The following AKAP1 variants were observed in gnomAD, a reference collection of about 807,000 sequenced individuals.
AKAP1 encodes A-kinase anchor protein 1, mitochondrial.
In AKAP1, 32 loss-of-function variants were observed where a neutral mutation model predicts 79.8. The ratio of observed to expected loss-of-function variants is 0.40; its 90% CI spans 0.30 to 0.54. The LOEUF is 0.54. Ranked by LOEUF, AKAP1 falls within the 20% of genes least tolerant of loss-of-function variation. The pLI, the probability that AKAP1 is intolerant of heterozygous loss-of-function variation, is 0.47. For synonymous variants in AKAP1, 416 were observed against 466.7 expected, an observed-to-expected ratio of 0.89 and a Z score of 1.40; for missense variants, 961 against 1,138.9, an observed-to-expected ratio of 0.84 and a Z score of 2.25.
chr17:57,119,828 C>CTTTTTTTTTTTTTTTTTT (rs1915807963), intron 10 of AKAP1, among the ~76,000 whole-genome samples: 1 of 40,528 alleles, frequency 2.5e-5, no homozygotes, highest in South Asian at 7.7e-4. Context: ...CACCCTGTTA[C>CTTTTTTTTTTTTTTTTTT]TCTTTTTTTT....
intron 1 of AKAP1, among the ~76,000 whole-genome samples, chr17:57,100,449 A>ACACG (rs1020137256): frequency 2.0e-5 from 3 of 151,164 alleles, no homozygotes; most frequent in Admixed American, 6.6e-5. Flanking sequence ...ACACACACGC[A>ACACG]CACACACACA....
chr17:57,116,208 C>A lies in AKAP1; in HGVS notation c.2379C>A (p.Tyr793Ter). The change falls in exon 7 of 11, where the codon TAC (tyrosine) becomes TAA (stop). Residue 793 changes from tyrosine (Y) to a stop codon, truncating the protein, a stop_gained. Coordinates refer to ENST00000337714, the MANE Select transcript of AKAP1 (RefSeq NM_003488.4). LOFTEE classifies it high-confidence loss of function. ...YEETNEVEIR[Y>*]VDYGGYKRVK... The stretch of plus-strand genomic sequence containing the variant: ...AGACCAACGAAGTGGAGATTCGATA[C>A]GTGGACTACGGCGGATATAAGAGGG... 1 of 1,614,182 alleles carries A rather than the reference C, an allele frequency of 6.2e-7. No individual in the cohort carries two copies. The highest frequency in any genetic ancestry group is 8.5e-7 in the Non-Finnish European group (1 of 1,180,036).
intron 2 of AKAP1, among the ~76,000 whole-genome samples, chr17:57,108,752 G>C (rs543932109): frequency 1.9e-3 from 286 of 152,334 alleles, no homozygotes; most frequent in African/African-American, 6.6e-3. Flanking sequence ...CCCACTGAGG[G>C]AGCTGGAAGC....
At chr17:57,101,935 G>A (rs926255826) in intron 1 of AKAP1, among the ~76,000 whole-genome samples, 3 of 152,132 alleles carry the variant, frequency 2.0e-5, no homozygotes, top group Admixed American at 1.3e-4. Flanking sequence ...TACGTATCCA[G>A]GTGATTTTTT....
chr17:57,117,632 TAGAG>T (rs1397375380), intron 8 of AKAP1, among the ~76,000 whole-genome samples: 1 of 152,200 alleles, frequency 6.6e-6, no homozygotes, highest in Non-Finnish European at 1.5e-5. Flanking sequence ...GGAGTCGGCT[TAGAG>T]GGAGCACTGG....
intron 10 of AKAP1, among the ~76,000 whole-genome samples, chr17:57,119,742 C>T (rs1285303729): frequency 6.6e-6 from 1 of 151,512 alleles, no homozygotes; most frequent in African/African-American, 2.4e-5. Flanking sequence ...ACAAAAAAAC[C>T]CTATCCTTAT....
chr17:57,109,922 TG>T (rs1915131921), intron 2 of AKAP1, 102 bp from the exon 3 acceptor site: 2 of 1,485,916 alleles, frequency 1.3e-6, no homozygotes, highest in Admixed American at 3.7e-5. Context: ...GGAGCGGGTG[TG>T]GGGCAGGGCC....
In AKAP1 at chr17:57,116,273, T is replaced by C. The variant is rs111601985; in HGVS notation, c.2432+12T>C. The C allele has an allele frequency of 5.3e-5, 86 of 1,614,024 alleles. No individual in the cohort carries two copies. In the Middle Eastern group the frequency reaches 8.3e-4, roughly 15 times the overall value. On this transcript the variant is annotated intron_variant, in intron 7 of 10. Coordinates refer to ENST00000337714, the MANE Select transcript of AKAP1 (RefSeq NM_003488.4). ...CTCCGGCAAATCAGGTGAGCGGAGA[T>C]GCCTCAGGCAGGCCTACGCCCTGCT...
intron 5 of AKAP1, 24 bp from the exon 6 acceptor site, chr17:57,114,435 A>G: frequency 6.2e-7 from 1 of 1,609,838 alleles, no homozygotes; most frequent in Non-Finnish European, 8.5e-7. Flanking sequence ...TGTTTCAGTG[A>G]CCGCTCCCCC....
chr17:57,106,369 G>A lies in AKAP1; in HGVS notation c.905G>A (p.Gly302Glu), dbSNP rs538528140. ...AAAGCCCAGGATAGAGGTGTCGAGGGAGAACTGGGCAATGAGGAGAGCTTG... is the reference window on the plus strand; with the variant it reads ...AAAGCCCAGGATAGAGGTGTCGAGGAAGAACTGGGCAATGAGGAGAGCTTG... ...DAKAQDRGVEGELGNEESLDR... is the reference protein window; with the variant it reads ...DAKAQDRGVEEELGNEESLDR... The change falls in exon 2 of 11, where the codon GGA becomes GAA. Residue 302 changes from glycine (G) to glutamate (E), a missense_variant. By Grantham distance (98) the Gly-to-Glu change is moderately conservative (BLOSUM62 -2). Around this residue, in one of 3 missense-constraint regions of AKAP1, gnomAD observed 629 missense variants for 781.1 expected, o/e 0.81. Coordinates refer to ENST00000337714, the MANE Select transcript of AKAP1 (RefSeq NM_003488.4). 1.2e-6 allele frequency: 2 copies of A among 1,614,010 alleles called. No individual in the cohort carries two copies. The highest frequency in any genetic ancestry group is 2.7e-5 in the African/African-American group (2 of 74,900).
intron 1 of AKAP1, among the ~76,000 whole-genome samples, chr17:57,100,819 TA>T (rs953508795): frequency 5.9e-5 from 9 of 152,198 alleles, no homozygotes; most frequent in Admixed American, 5.2e-4. Context: ...TCTTTTTTTT[TA>T]AATTATTTTT....
intron 5 of AKAP1, among the ~76,000 whole-genome samples, chr17:57,113,637 CTG>C (rs1915398120): frequency 8.4e-6 from 1 of 119,582 alleles, no homozygotes; most frequent in African/African-American, 3.3e-5. Flanking sequence ...GAGTCTCACT[CTG>C]TTGCCCAGTC....
At position 57,107,194 on chromosome 17, in the gene AKAP1, G is replaced by A. The variant is rs751348015; in HGVS notation, c.1714+16G>A. 1.1e-5 allele frequency: 18 copies of A among 1,579,864 alleles called. No individual in the cohort carries two copies. In the South Asian group the frequency reaches 1.2e-4, roughly 10 times the overall value. On this transcript the variant is annotated intron_variant, in intron 2 of 10. Coordinates refer to ENST00000337714, the MANE Select transcript of AKAP1 (RefSeq NM_003488.4). ...CATTCAGGAGGTAGGAGGGTCTCGGGTTCGTTTAGAGGATGGGGCGCTCCC... is the reference window on the plus strand; with the variant it reads ...CATTCAGGAGGTAGGAGGGTCTCGGATTCGTTTAGAGGATGGGGCGCTCCC...
intron 6 of AKAP1, 22 bp downstream of exon 6, chr17:57,114,658 C>G: frequency 6.2e-7 from 1 of 1,602,916 alleles, no homozygotes; most frequent in East Asian, 2.3e-5. Flanking sequence ...CCTGAGGGGT[C>G]GGGAAGGGGG....
At chr17:57,109,979 G>T in intron 2 of AKAP1, 46 bp from the exon 3 acceptor site, 1 of 1,601,208 alleles carries the variant, frequency 6.2e-7, no homozygotes, top group South Asian at 1.1e-5. Context: ...TGGCTGCTCT[G>T]AGTGGGGTCT....
chr17:57,106,464 AATG>A lies in AKAP1; in HGVS notation c.1002_1004del (p.Asn334_Glu335delinsLys). The stretch of plus-strand genomic sequence containing the variant: ...TAGAAATGAGGAGAGCTTGGATAGA[AATG>A]AGGAGGGCTTGGATAGAAATGAGGA... On this transcript the variant is annotated inframe_deletion, in exon 2 of 11. Coordinates refer to ENST00000337714, the MANE Select transcript of AKAP1 (RefSeq NM_003488.4). The A allele has an allele frequency of 6.2e-7, 1 of 1,608,824 alleles. No homozygotes were observed. The highest frequency in any genetic ancestry group is 8.5e-7 in the Non-Finnish European group (1 of 1,175,762).
chr17:57,108,918 A>G (rs1915066773), intron 2 of AKAP1, among the ~76,000 whole-genome samples: 1 of 152,220 alleles, frequency 6.6e-6, no homozygotes, highest in South Asian at 2.1e-4. Flanking sequence ...AGCCCCTGTC[A>G]GCCTGTTATG....
intron 2 of AKAP1, chr17:57,107,831 A>T: frequency 1.9e-6 from 1 of 535,474 alleles, no homozygotes; most frequent in Non-Finnish European, 3.2e-6. Flanking sequence ...AGAAGCTCTT[A>T]CAGGGTAAGT....
Position 57,120,614 on chromosome 17 carries a change from G to A in AKAP1, c.*290G>A. On this transcript the variant is annotated 3_prime_UTR_variant, in exon 11 of 11. Transcript: ENST00000337714. ...GAATAGAAACAGTTTCAACCAGATT[G>A]TCCTATTCCCCCTGTTCCATTCCCC... 1 of 291,870 alleles carries A rather than the reference G, an allele frequency of 3.4e-6. No individual in the cohort carries two copies. Among genetic ancestry groups the A allele is most frequent in the South Asian group, 7.6e-5 (1 of 13,230 alleles). The allele number at this position is 291,870 out of a possible 1,614,324, so 18.1% of individuals were successfully genotyped here. A position where few individuals can be genotyped will look rare whatever the true frequency, so the allele number is the denominator to read the frequency against.
Sources: allele counts gnomAD v4.1 joint callset (sites outside exome capture counted in the v4.1 genomes callset), GRCh38; gene constraint gnomAD v4.1.1; regional missense constraint gnomAD v4.1.1; transcripts MANE v1.5; gene names NCBI Gene and HGNC (gene_info 2026-07-23, HGNC 2026-07-21).